SRGAP2B: variants seen among roughly 807,000 people sequenced by gnomAD.
The protein encoded by SRGAP2B is SLIT-ROBO Rho GTPase-activating protein 2B.
A neutral mutation model predicts 22.2 loss-of-function variants in SRGAP2B; 9 were observed. That is an observed-to-expected ratio of 0.41 (90% CI 0.24 to 0.71). SRGAP2B has a LOEUF of 0.71. Among genes scored for constraint, SRGAP2B ranks in the 30% least tolerant of loss-of-function variants. SRGAP2B has a pLI of 0.35. For missense variants in SRGAP2B, 114 were observed against 235.8 expected (o/e 0.48, Z 3.38); for synonymous variants, 36 against 87.4 (o/e 0.41, Z 3.28).
chr1:145,030,209 T>C (rs1218362219), intron 2 of SRGAP2B, among the ~76,000 whole-genome samples: 6 of 147,758 alleles, frequency 4.1e-5, no homozygotes. Flanking sequence ...GATTCTATTC[T>C]CCCCTTTTTA....
At chr1:144,944,586 CAAAAAAAAAAAAAAAAAA>C (rs3061760) in intron 4 of SRGAP2B, among the ~76,000 whole-genome samples, 1 of 17,920 alleles carries the variant, frequency 5.6e-5, no homozygotes, top group Non-Finnish European at 9.8e-5. Context: ...GTCTCCATCT[CAAAAAAAAAAAAAAAAAA>C]AAAAAAAAAT....
chr1:145,066,702 G>GACGCTGA, intron 2 of SRGAP2B, among the ~76,000 whole-genome samples: 1 of 151,832 alleles, frequency 6.6e-6, no homozygotes, highest in Non-Finnish European at 1.5e-5. Context: ...CGGGAGCACA[G>GACGCTGA]ACGCTGAACG....
At chr1:145,009,007 T>TAAA (rs368977396) in intron 2 of SRGAP2B, among the ~76,000 whole-genome samples, 5 of 143,878 alleles carry the variant, frequency 3.5e-5, no homozygotes, top group Non-Finnish European at 7.6e-5. Flanking sequence ...CCGTCTCTAC[T>TAAA]AAAAAAAAAA....
intron 3 of SRGAP2B, among the ~76,000 whole-genome samples, chr1:144,975,179 G>A (rs1458297323): frequency 6.7e-6 from 1 of 149,470 alleles, no homozygotes; most frequent in Non-Finnish European, 1.5e-5. Context: ...AAGAGAAAAG[G>A]TTTGGCAGTG....
At chr1:145,036,057 G>A (rs587715048) in intron 2 of SRGAP2B, among the ~76,000 whole-genome samples, 1 of 137,732 alleles carries the variant, frequency 7.3e-6, no homozygotes, top group Non-Finnish European at 1.5e-5. Context: ...CAGCATTTAG[G>A]CCCACTAAGA....
At chr1:144,934,272 G>A (rs587771069) in intron 4 of SRGAP2B, among the ~76,000 whole-genome samples, 1 of 149,664 alleles carries the variant, frequency 6.7e-6, no homozygotes, top group East Asian at 1.9e-4. Flanking sequence ...AGGCATGGTG[G>A]CACATACTAT....
At position 144,971,509 on chromosome 1, in the gene SRGAP2B, A is replaced by T. The variant is rs587628925; in HGVS notation, c.261-15908T>A. Among the ~76,000 whole-genome samples, 131 of 150,480 alleles carry T rather than the reference A, an allele frequency of 8.7e-4. 8 individuals carry two copies. The highest frequency in any genetic ancestry group is 3.2e-3 in the African/African-American group (128 of 40,156). On this transcript the variant is annotated intron_variant, in intron 3 of 9. Coordinates refer to ENST00000612199, the Ensembl canonical transcript of SRGAP2B. ...CACGGGCATGACCATGGTTCACTGT[A>T]GCCTCAAACTCCTGGGCTCAAGCAA...
At chr1:145,006,708 GGTAAACT>G (rs1671621461) in intron 2 of SRGAP2B, among the ~76,000 whole-genome samples, 1 of 150,704 alleles carries the variant, frequency 6.6e-6, no homozygotes, top group African/African-American at 2.5e-5. Flanking sequence ...TTTATGGAAA[GGTAAACT>G]GTCCCCACAA....
chr1:144,998,516 C>T (rs1248048197), intron 2 of SRGAP2B, among the ~76,000 whole-genome samples: 1 of 147,360 alleles, frequency 6.8e-6, no homozygotes, highest in East Asian at 2.0e-4. Flanking sequence ...TGTGATATGA[C>T]ACCATGAGCA....
chr1:144,985,220 C>G (rs1354255075), intron 3 of SRGAP2B, among the ~76,000 whole-genome samples: 4 of 132,660 alleles, frequency 3.0e-5, no homozygotes, highest in Non-Finnish European at 6.2e-5. Flanking sequence ...CCTTTTATTT[C>G]TTTGGATCTC....
In SRGAP2B at chr1:145,001,940, T is replaced by C. The variant is rs1237705427; in HGVS notation, c.68-6740A>G. ...GGGAGGCTGAGGTGGGAGGCTTGCT[T>C]GAGCCCAGGAGGTCAAGGCCACAGT... On this transcript the variant is annotated intron_variant, in intron 2 of 9. Coordinates refer to ENST00000612199, the Ensembl canonical transcript of SRGAP2B. Among the ~76,000 whole-genome samples, 10 of 147,296 alleles carry C rather than the reference T, an allele frequency of 6.8e-5. No individual in the cohort carries two copies. In the East Asian group the frequency reaches 1.8e-3, roughly 26 times the overall value.
intron 7 of SRGAP2B, among the ~76,000 whole-genome samples, chr1:144,904,059 C>CA (rs1232183592): frequency 6.3e-5 from 9 of 143,836 alleles, no homozygotes; most frequent in Non-Finnish European, 1.4e-4. Context: ...TTGCCCCTTG[C>CA]AAAACACATG....
At chr1:145,009,385 G>C (rs1186126661) in intron 2 of SRGAP2B, among the ~76,000 whole-genome samples, 1 of 148,918 alleles carries the variant, frequency 6.7e-6, no homozygotes, top group South Asian at 2.1e-4. Flanking sequence ...TCAGGAGATC[G>C]AGACCATCCC....
In SRGAP2B at chr1:145,022,579, C is replaced by T. The variant is rs587667410; in HGVS notation, c.68-27379G>A. Among the ~76,000 whole-genome samples the T allele has an allele frequency of 4.6e-3, 680 of 148,048 alleles. 32 individuals are homozygous for T. Among genetic ancestry groups the T allele is most frequent in the South Asian group, 0.037 (177 of 4,736 alleles). On this transcript the variant is annotated intron_variant, in intron 2 of 9. Transcript: ENST00000612199. ...GACCAAAGGGAACATCTGAGTATACCAGTCAGAGATCATGGCTTTTCTTTT... is the reference window on the plus strand; with the variant it reads ...GACCAAAGGGAACATCTGAGTATACTAGTCAGAGATCATGGCTTTTCTTTT...
At chr1:144,964,973 G>C (rs1553611901) in intron 3 of SRGAP2B, 1 of 1,434,680 alleles carries the variant, frequency 7.0e-7, no homozygotes, top group Non-Finnish European at 9.8e-7. Flanking sequence ...CGCGCCGCCT[G>C]CACCAGAGAC....
intron 2 of SRGAP2B, among the ~76,000 whole-genome samples, chr1:145,058,373 G>A (rs1378040802): frequency 6.9e-6 from 1 of 145,600 alleles, no homozygotes; most frequent in Non-Finnish European, 1.5e-5. Context: ...TCCACATATG[G>A]CCTAGGCGTG....
chr1:144,947,439 AT>A (rs1666545121), intron 4 of SRGAP2B, among the ~76,000 whole-genome samples: 1 of 145,238 alleles, frequency 6.9e-6, no homozygotes. Context: ...TACCAGATTC[AT>A]TTCCTTAGTG....
At chr1:144,971,920 T>G (rs1162816905) in intron 3 of SRGAP2B, among the ~76,000 whole-genome samples, 3 of 149,880 alleles carry the variant, frequency 2.0e-5, no homozygotes, top group Admixed American at 1.3e-4. Context: ...TTGTGGTGGT[T>G]ATTACATTTC....
At chr1:145,040,995 T>C (rs1490388580) in intron 2 of SRGAP2B, among the ~76,000 whole-genome samples, 1 of 131,606 alleles carries the variant, frequency 7.6e-6, no homozygotes, top group Non-Finnish European at 1.6e-5. Flanking sequence ...ACACTCTAAC[T>C]CCCATAGCTC....
Sources: gnomAD v4.1 joint callset for allele counts (sites outside exome capture counted in the v4.1 genomes callset) on GRCh38, gnomAD v4.1.1 for gene constraint, MANE v1.5 for transcripts, NCBI Gene and HGNC (gene_info 2026-07-23, HGNC 2026-07-21) for gene names.